NXF1: variants seen among roughly 807,000 people sequenced by gnomAD.
The protein encoded by NXF1 is nuclear RNA export factor 1, also known as mRNA export factor TAP.
A neutral mutation model predicts 92.4 loss-of-function variants in NXF1; 43 were observed. The observed-to-expected ratio is 0.47, with a 90% confidence interval of 0.36 to 0.60. The LOEUF (loss-of-function observed/expected upper bound fraction) is 0.60, where lower values mean the gene tolerates loss of function less well. NXF1 is among the 20% of genes least tolerant of loss of function. The pLI is 0.00. For synonymous variants in NXF1, 288 were observed against 292.2 expected, an observed-to-expected ratio of 0.99 and a Z score of 0.15; for missense variants, 576 against 793.0, an observed-to-expected ratio of 0.73 and a Z score of 3.29.
chr11:62,800,340 A>C lies in NXF1; in HGVS notation c.1016+37T>G, dbSNP rs1346601946. 1.9e-6 allele frequency: 3 copies of C among 1,613,526 alleles called. No individual in the cohort carries two copies. In the African/African-American group the frequency reaches 4.0e-5, roughly 22 times the overall value. On this transcript the variant is annotated intron_variant, in intron 10 of 20. Coordinates refer to ENST00000294172, the MANE Select transcript of NXF1 (RefSeq NM_006362.5). ...CATTAGCTCAGCCTCCCAGGGGGTGAAGGTCCCCAGGAGGGGAGACACAGG... is the reference window on the plus strand; with the variant it reads ...CATTAGCTCAGCCTCCCAGGGGGTGCAGGTCCCCAGGAGGGGAGACACAGG...
At chr11:62,795,111 A>G (rs1008281939) in intron 17 of NXF1, 104 bp from the exon 18 acceptor site, 46 of 1,116,454 alleles carry the variant, frequency 4.1e-5, no homozygotes, top group South Asian at 2.5e-4. Context: ...AGCAAGTCAG[A>G]GAGGAATGAT....
Position 62,800,414 on chromosome 11 carries a change from G to A in NXF1, c.979C>T (p.Leu327=), listed in dbSNP as rs962821835. Residue 327 remains leucine, a synonymous_variant, in exon 10 of 21, where the codon CTG becomes TTG. Coordinates refer to ENST00000294172, the MANE Select transcript of NXF1 (RefSeq NM_006362.5). Reference sequence around the variant, plus strand: ...GACTGGTCTCGGAAGGTGTCACACAGGGAGTTTCCATCGAGCCAGAGCTCT... The same window carrying A: ...GACTGGTCTCGGAAGGTGTCACACAAGGAGTTTCCATCGAGCCAGAGCTCT... ...LEELWLDGNS[L]CDTFRDQSTY... The A allele has an allele frequency of 3.1e-6, 5 of 1,613,904 alleles. No homozygotes were observed. In the African/African-American group the frequency reaches 5.3e-5, roughly 17 times the overall value.
chr11:62,797,156 G>A (rs1232038003), intron 13 of NXF1, 27 bp downstream of exon 13: 1 of 1,608,370 alleles, frequency 6.2e-7, no homozygotes, highest in Admixed American at 1.7e-5. Flanking sequence ...ACCTCGGGGT[G>A]GGGAGGGGGG....
At chr11:62,792,854 C>T (rs557231568) in intron 19 of NXF1, 153 bp from the exon 20 acceptor site, 2 of 645,560 alleles carry the variant, frequency 3.1e-6, no homozygotes, top group South Asian at 3.9e-5. Flanking sequence ...AGTAAAAGTC[C>T]AGATGTTCTA....
intron 6 of NXF1, 31 bp from the exon 7 acceptor site, chr11:62,801,662 T>C (rs779663983): frequency 1.8e-5 from 29 of 1,611,288 alleles, no homozygotes; most frequent in Non-Finnish European, 1.2e-5. Context: ...TAGTGGTCAC[T>C]GGGTTTGTGT....
intron 10 of NXF1, chr11:62,800,043 T>G: frequency 1.8e-6 from 2 of 1,115,906 alleles, no homozygotes; most frequent in Non-Finnish European, 2.2e-6. Flanking sequence ...CTATAGGGTA[T>G]GTACAAGATA....
rs1381012808 is a variant in NXF1, at chr11:62,803,814, G to A, written c.193C>T (p.Gln65Ter). 1 of 1,613,838 alleles carries A rather than the reference G, an allele frequency of 6.2e-7. No homozygotes were observed. Among genetic ancestry groups the A allele is most frequent in the Non-Finnish European group, 8.5e-7 (1 of 1,179,812 alleles). Reference protein sequence around the residue: ...DDGDVAMSDAQDGPRVRYNPY... With the variant: ...DDGDVAMSDA ...CACTATCGTACTCGGGGACCATCCT[G>A]GGCATCACTCATTGCCACATCTCCA... is the stretch of plus-strand genomic sequence containing the variant. The change falls in exon 2 of 21, where the codon CAG becomes TAG. Residue 65 changes from glutamine to a stop codon, truncating the protein, a stop_gained. Transcript: ENST00000294172. LOFTEE classifies it high-confidence loss of function.
chr11:62,805,230 G>A (rs1213352301), intron 1 of NXF1, 99 bp downstream of exon 1: 4 of 1,198,496 alleles, frequency 3.3e-6, no homozygotes, highest in African/African-American at 3.2e-5. Flanking sequence ...GCGGACGCCG[G>A]GCCCCTAGCG....
rs139081574 is a variant in NXF1, at chr11:62,795,859, G to A, written c.1504+42C>T. ...AGTGCTGAGGAAAATTCCAGCTGGG[G>A]GTGGGACCACGCTACAAACTCGGGA... On this transcript the variant is annotated intron_variant, in intron 17 of 20. Transcript: ENST00000294172. 141 of 1,584,398 alleles carry A rather than the reference G, an allele frequency of 8.9e-5. No individual in the cohort carries two copies. The African/African-American group carries it at 1.8e-3, about 20-fold the overall frequency.
In NXF1 at chr11:62,792,139, A is replaced by G. The variant is rs1180185463; in HGVS notation, c.*337T>C. The G allele has an allele frequency of 1.4e-6, 1 of 692,278 alleles. No homozygotes were observed. Among genetic ancestry groups the G allele is most frequent in the African/African-American group, 1.8e-5 (1 of 55,296 alleles). 42.9% of individuals were successfully genotyped at this position (692,278 alleles called of 1,614,324 possible). ...CACGCAGAACACGAAATACAACATC[A>G]CTCTTTATATTAAAAAGTGCAGAAC... is the stretch of plus-strand genomic sequence containing the variant. On this transcript the variant is annotated 3_prime_UTR_variant, in exon 21 of 21. Transcript: ENST00000294172.
intron 19 of NXF1, 74 bp downstream of exon 19, chr11:62,794,184 C>A: frequency 2.2e-6 from 3 of 1,395,160 alleles, no homozygotes; most frequent in Admixed American, 2.2e-5. Flanking sequence ...AACAAAAAAA[C>A]TGTCAGGAGC....
intron 1 of NXF1, 39 bp from the exon 2 acceptor site, chr11:62,804,017 A>G (rs1278640537): frequency 6.2e-7 from 1 of 1,605,172 alleles, no homozygotes; most frequent in Non-Finnish European, 8.5e-7. Context: ...GAAGTAAGTA[A>G]CTGGTCCGGT....
At position 62,803,472 on chromosome 11, in the gene NXF1, C is replaced by A; in HGVS notation, c.316G>T (p.Gly106Ter). ...VRRDRAPPERGGAGTSQDGTS... is the reference protein window; with the variant it reads ...VRRDRAPPER ...CCATCCTGGCTGGTGCCAGCCCCTC[C>A]TCTCTCTGGAGGAGCTCTGTCTCTC... Residue 106 changes from glycine to a stop codon, truncating the protein, a stop_gained, in exon 3 of 21, where the codon GGA becomes TGA. Transcript: ENST00000294172. LOFTEE classifies it high-confidence loss of function. 1 of 1,614,078 alleles carries A rather than the reference C, an allele frequency of 6.2e-7. No individual in the cohort carries two copies. The highest frequency in any genetic ancestry group is 8.5e-7 in the Non-Finnish European group (1 of 1,180,026).
intron 2 of NXF1, 21 bp downstream of exon 2, chr11:62,803,770 AC>A: frequency 6.2e-7 from 1 of 1,608,578 alleles, no homozygotes; most frequent in Admixed American, 1.7e-5. Flanking sequence ...CTAAATTCAA[AC>A]CAGACCAACT....
At chr11:62,804,135 C>T in intron 1 of NXF1, 157 bp from the exon 2 acceptor site, 1 of 1,548,552 alleles carries the variant, frequency 6.5e-7, no homozygotes, top group East Asian at 2.4e-5. Context: ...CAGGAAAGAA[C>T]CCTCTCTGTG....
chr11:62,796,018 A>AC, intron 16 of NXF1, 48 bp downstream of exon 16: 1 of 1,390,550 alleles, frequency 7.2e-7, no homozygotes, highest in African/African-American at 1.5e-5. Flanking sequence ...ATTAAATGCC[A>AC]CCCCCACCCC....
chr11:62,805,237 A>C (rs927534600), intron 1 of NXF1, 92 bp downstream of exon 1: 10 of 1,287,432 alleles, frequency 7.8e-6, no homozygotes, highest in Non-Finnish European at 2.0e-6. Flanking sequence ...CCGGGCCCCT[A>C]GCGGCCTCAC....
At chr11:62,799,012 A>G (rs2084450146) in intron 10 of NXF1, 1 of 1,003,958 alleles carries the variant, frequency 1.0e-6, no homozygotes. Context: ...CAGGGATGGC[A>G]CAGGATGTTG....
chr11:62,794,008 A>C (rs919058951), intron 19 of NXF1, among the ~76,000 whole-genome samples: 1 of 151,590 alleles, frequency 6.6e-6, no homozygotes, highest in South Asian at 2.1e-4. Context: ...CTCCAAAAAA[A>C]AAAAATAATA....
Sources: allele counts gnomAD v4.1 joint callset (sites outside exome capture counted in the v4.1 genomes callset), GRCh38; gene constraint gnomAD v4.1.1; transcripts MANE v1.5; gene names NCBI Gene and HGNC (gene_info 2026-07-23, HGNC 2026-07-21).